MSRA: variants seen among roughly 807,000 people sequenced by gnomAD.
MSRA encodes methionine sulfoxide reductase A.
MSRA carries 54 observed loss-of-function variants against 31.3 expected under a neutral mutation model. That is an observed-to-expected ratio of 1.73 (90% CI 1.39 to 2.17). The LOEUF (loss-of-function observed/expected upper bound fraction) is 2.17, where lower values mean the gene tolerates loss of function less well. MSRA is among the 30% of genes most tolerant of loss of function. The pLI, the probability that MSRA is intolerant of heterozygous loss-of-function variation, is 0.00. For synonymous variants in MSRA, 169 were observed against 116.5 expected, an observed-to-expected ratio of 1.45 and a Z score of -2.90; for missense variants, 507 against 300.9, an observed-to-expected ratio of 1.69 and a Z score of -5.07.
At chr8:10,341,806 G>A (rs530958367) in intron 5 of MSRA, among the ~76,000 whole-genome samples, 28 of 152,316 alleles carry the variant, frequency 1.8e-4, no homozygotes, top group African/African-American at 6.3e-4. Context: ...AGCTGTATCC[G>A]CAATGGGCAT....
intron 1 of MSRA, among the ~76,000 whole-genome samples, chr8:10,066,835 C>G (rs1483257562): frequency 6.6e-6 from 1 of 151,784 alleles, no homozygotes; most frequent in Non-Finnish European, 1.5e-5. Flanking sequence ...GCACCTGGCT[C>G]AGCTGGTATA....
At chr8:10,251,846 G>C (rs1044315565) in intron 3 of MSRA, among the ~76,000 whole-genome samples, 11 of 148,554 alleles carry the variant, frequency 7.4e-5, no homozygotes, top group African/African-American at 2.4e-4. Context: ...GCACCCCTCT[G>C]AAGGGTTGAC....
chr8:10,135,232 C>T (rs1189084510), intron 1 of MSRA, among the ~76,000 whole-genome samples: 1 of 152,192 alleles, frequency 6.6e-6, no homozygotes, highest in Non-Finnish European at 1.5e-5. Context: ...TCAGGCCATG[C>T]CCTCTGTGAC....
At chr8:10,193,714 G>T (rs1807730466) in intron 1 of MSRA, among the ~76,000 whole-genome samples, 1 of 152,134 alleles carries the variant, frequency 6.6e-6, no homozygotes, top group Admixed American at 6.5e-5. Flanking sequence ...CAAAGTGGAA[G>T]ATTTTGTTCA....
intron 1 of MSRA, among the ~76,000 whole-genome samples, chr8:10,158,094 C>T (rs567860792): frequency 2.6e-4 from 39 of 152,304 alleles, no homozygotes; most frequent in South Asian, 1.0e-3. Context: ...CTTACGGTGT[C>T]CTCACATGCT....
chr8:10,335,534 C>A (rs1802986800), intron 5 of MSRA, among the ~76,000 whole-genome samples: 1 of 152,174 alleles, frequency 6.6e-6, no homozygotes, highest in South Asian at 2.1e-4. Context: ...GCGGGTGACT[C>A]TTGTCCTGAC....
At chr8:10,144,525 G>A (rs1367113801) in intron 1 of MSRA, among the ~76,000 whole-genome samples, 2 of 152,172 alleles carry the variant, frequency 1.3e-5, no homozygotes, top group East Asian at 1.9e-4. Context: ...AACATTGCAC[G>A]TACATGTATT....
intron 3 of MSRA, among the ~76,000 whole-genome samples, chr8:10,276,489 T>C (rs1351167460): frequency 3.3e-5 from 5 of 152,208 alleles, no homozygotes; most frequent in African/African-American, 1.2e-4. Flanking sequence ...GCTGCCTCAA[T>C]GGAGCAGTCT....
chr8:10,318,011 C>A (rs79601808), intron 4 of MSRA, among the ~76,000 whole-genome samples: 3,026 of 152,296 alleles, frequency 0.02, 58 homozygotes, highest in African/African-American at 0.054. Context: ...TCTTCACAGT[C>A]CTCAGAACGT....
At chr8:10,258,704 C>G (rs1437141549) in intron 3 of MSRA, among the ~76,000 whole-genome samples, 1 of 152,188 alleles carries the variant, frequency 6.6e-6, no homozygotes, top group Non-Finnish European at 1.5e-5. Context: ...TCCCTTCTCC[C>G]ACGTGGCAAC....
intron 3 of MSRA, 37 bp downstream of exon 3, chr8:10,245,260 A>T: frequency 6.3e-7 from 1 of 1,599,296 alleles, no homozygotes; most frequent in Non-Finnish European, 8.5e-7. Context: ...ACTAGGAGAA[A>T]CAAGGGAGGG....
chr8:10,262,830 A>G (rs1798551710), intron 3 of MSRA, among the ~76,000 whole-genome samples: 1 of 152,186 alleles, frequency 6.6e-6, no homozygotes, highest in Non-Finnish European at 1.5e-5. Context: ...TGCATGCCCG[A>G]ATGTTGGCAC....
intron 3 of MSRA, among the ~76,000 whole-genome samples, chr8:10,262,362 C>T (rs922561097): frequency 2.6e-5 from 4 of 152,216 alleles, no homozygotes; most frequent in Non-Finnish European, 1.5e-5. Flanking sequence ...GTTCCTGTTA[C>T]TTTACATCCT....
intron 3 of MSRA, among the ~76,000 whole-genome samples, chr8:10,284,483 C>A (rs551058576): frequency 6.6e-6 from 1 of 152,308 alleles, no homozygotes; most frequent in East Asian, 1.9e-4. Flanking sequence ...CATGAGCCAA[C>A]ATGCCCGGCA....
At chr8:10,113,296 T>TTTTTTTTTTTG in intron 1 of MSRA, among the ~76,000 whole-genome samples, 1 of 104,292 alleles carries the variant, frequency 9.6e-6, no homozygotes, top group Non-Finnish European at 1.8e-5. Flanking sequence ...GGTCTTCTTT[T>TTTTTTTTTTTG]TTTTTTTTTT....
chr8:10,157,032 G>C (rs1804212621), intron 1 of MSRA, among the ~76,000 whole-genome samples: 1 of 151,738 alleles, frequency 6.6e-6, no homozygotes, highest in Non-Finnish European at 1.5e-5. Context: ...GACAGGCTCA[G>C]GATGACAAGT....
intron 5 of MSRA, among the ~76,000 whole-genome samples, chr8:10,360,281 C>A (rs1804769458): frequency 1.3e-5 from 2 of 152,150 alleles, no homozygotes; most frequent in African/African-American, 4.8e-5. Context: ...CTATTGCTTC[C>A]CTCTGTTTTC....
chr8:10,113,289 C>CTTTTTTTTTTTTTTTTTTTTTTT lies in MSRA; in HGVS notation c.142+58633_142+58634insTTTTTTTTTTTTTTTTTTTTTTT, dbSNP rs1467440154. On this transcript the variant is annotated intron_variant, in intron 1 of 5. Coordinates refer to ENST00000317173, the MANE Select transcript of MSRA (RefSeq NM_012331.5). ...AGGCATGGCTTTGGTGAAGACAGGTCTTCTTTTTTTTTTTTTTTTTTTTTT... is the reference window on the plus strand; with the variant it reads ...AGGCATGGCTTTGGTGAAGACAGGTCTTTTTTTTTTTTTTTTTTTTTTTTTCTTTTTTTTTTTTTTTTTTTTTT... Among the ~76,000 whole-genome samples, 34 of 50,902 alleles carry CTTTTTTTTTTTTTTTTTTTTTTT rather than the reference C, an allele frequency of 6.7e-4. 1 individual carries two copies. The highest frequency in any genetic ancestry group is 0.014 in the Middle Eastern group (1 of 72). The allele number at this position is 50,902 out of a possible 152,430, so 33.4% of individuals were successfully genotyped here.
chr8:10,096,950 C>G (rs1799197212), intron 1 of MSRA, among the ~76,000 whole-genome samples: 1 of 152,132 alleles, frequency 6.6e-6, no homozygotes, highest in Admixed American at 6.5e-5. Flanking sequence ...AAAATTGTAT[C>G]TATTCACATA....
Sources: allele counts gnomAD v4.1 joint callset (sites outside exome capture counted in the v4.1 genomes callset), GRCh38; gene constraint gnomAD v4.1.1; transcripts MANE v1.5; gene names NCBI Gene and HGNC (gene_info 2026-07-23, HGNC 2026-07-21).